The following PCNT variants were observed in gnomAD, a reference collection of about 807,000 sequenced individuals.
PCNT encodes pericentrin.
PCNT carries 319 observed loss-of-function variants against 380.4 expected under a neutral mutation model. The ratio of observed to expected loss-of-function variants is 0.84; its 90% CI spans 0.77 to 0.92. The LOEUF (loss-of-function observed/expected upper bound fraction) is 0.92. PCNT is among the 40% of genes least tolerant of loss of function. The pLI, the probability that PCNT is intolerant of heterozygous loss-of-function variation, is 0.00. For synonymous variants in PCNT, 1,845 were observed against 1,735.2 expected (o/e 1.06, Z -1.57); for missense variants, 4,400 against 4,255.3 (o/e 1.03, Z -0.95).
At chr21:46,381,490 A>G (rs1456841650) in intron 15 of PCNT, among the ~76,000 whole-genome samples, 1 of 152,118 alleles carries the variant, frequency 6.6e-6, no homozygotes, top group African/African-American at 2.4e-5. Context: ...TAAGTGTTTT[A>G]TCCCCGAAAC....
intron 3 of PCNT, among the ~76,000 whole-genome samples, chr21:46,342,005 A>G (rs2083923831): frequency 6.7e-6 from 1 of 150,258 alleles, no homozygotes; most frequent in Non-Finnish European, 1.5e-5. Flanking sequence ...GTGGTGATGC[A>G]AATTCGGCTC....
At chr21:46,326,663 G>C in intron 2 of PCNT, 74 bp downstream of exon 2, 3 of 1,456,104 alleles carry the variant, frequency 2.1e-6, no homozygotes, top group Non-Finnish European at 2.9e-6. Flanking sequence ...TACTAAAGAT[G>C]GTCTTTGGTC....
rs186412353 is a variant in PCNT at position 46,393,409 on chromosome 21, G to A, written c.4216+2033G>A. Among the ~76,000 whole-genome samples the A allele has an allele frequency of 4.9e-4, 75 of 152,192 alleles. 1 individual carries two copies. In the East Asian group the frequency reaches 0.013, roughly 27 times the overall value. ...CTGTTGCATCTGGGCGTCCGTTGTC[G>A]CTGTTTCTCCGATGCTTTCTCTGCT... On this transcript the variant is annotated intron_variant, in intron 21 of 46. Coordinates refer to ENST00000359568, the MANE Select transcript of PCNT (RefSeq NM_006031.6).
chr21:46,402,415 T>C lies in PCNT; in HGVS notation c.5047T>C (p.Leu1683=), dbSNP rs145305649. 1.4e-4 allele frequency: 229 copies of C among 1,613,856 alleles called. No homozygotes were observed. Among genetic ancestry groups the C allele is most frequent in the African/African-American group, 1.3e-3 (98 of 75,012 alleles). ...NEEILHLNLK[L]DMQNSQTAVS... ...AGAAATACTACATCTGAACTTAAAA[T>C]TGGACATGCAGAACAGCCAGACTGC... Residue 1683 remains leucine, a synonymous_variant, in exon 27 of 47, where the codon TTG becomes CTG. Coordinates refer to ENST00000359568, the MANE Select transcript of PCNT (RefSeq NM_006031.6).
In PCNT at chr21:46,355,600, T is replaced by G; in HGVS notation, c.1910T>G (p.Leu637Arg). 5 of 1,613,884 alleles carry G rather than the reference T, an allele frequency of 3.1e-6. No individual in the cohort carries two copies. Among genetic ancestry groups the G allele is most frequent in the Non-Finnish European group, 3.4e-6 (4 of 1,179,984 alleles). ...ETSALGHEWR[L>R]EPSEGHSQEL... ...TCAGCATTGGGACACGAGTGGCGTC[T>G]GGAACCCTCTGAAGGGCACAGCCAA... The change falls in exon 12 of 47, where the codon CTG becomes CGG. Residue 637 changes from leucine (L) to arginine (R), a missense_variant. By Grantham distance (102) the Leu-to-Arg change is moderately radical. Transcript: ENST00000359568.
intron 13 of PCNT, among the ~76,000 whole-genome samples, chr21:46,360,786 G>A (rs2084687918): frequency 6.6e-6 from 1 of 152,080 alleles, no homozygotes; most frequent in African/African-American, 2.4e-5. Context: ...CCAAAGTGCT[G>A]GGATTACAGG....
intron 13 of PCNT, among the ~76,000 whole-genome samples, chr21:46,359,506 T>TTTTTTTTTTTTTTTTTTTTTTTTTTTTTC (rs1384504010): frequency 7.9e-6 from 1 of 126,232 alleles, no homozygotes; most frequent in Non-Finnish European, 1.8e-5. Context: ...TTTTTTTTTT[T>TTTTTTTTTTTTTTTTTTTTTTTTTTTTTC]TGAGACAGTG....
In PCNT at chr21:46,445,691, A is replaced by G. The variant is rs1161803052; in HGVS notation, c.*364A>G. The G allele has an allele frequency of 2.2e-5, 5 of 223,916 alleles. No individual in the cohort carries two copies. Among genetic ancestry groups the G allele is most frequent in the Non-Finnish European group, 4.4e-5 (5 of 113,654 alleles). 13.9% of individuals were successfully genotyped at this position (223,916 alleles called of 1,614,324 possible). On this transcript the variant is annotated 3_prime_UTR_variant, in exon 47 of 47. Coordinates refer to ENST00000359568, the MANE Select transcript of PCNT (RefSeq NM_006031.6). ...TTTTGTTTATTTTCTTAACGTGTAC[A>G]GATGGAAACTTCATTTAAAAATAAA...
Position 46,385,419 on chromosome 21 carries a change from T to C in PCNT, c.3313-413T>C, listed in dbSNP as rs567784081. Among the ~76,000 whole-genome samples the C allele has an allele frequency of 5.3e-5, 8 of 152,356 alleles. No individual in the cohort carries two copies. The East Asian group carries it at 1.5e-3, about 29-fold the overall frequency. ...GTGAATGACCAGATACAGTGACTTA[T>C]TTCGAATTGCTGTTTGAGTGGTGGA... On this transcript the variant is annotated intron_variant, in intron 16 of 46. Coordinates refer to ENST00000359568, the MANE Select transcript of PCNT (RefSeq NM_006031.6).
intron 27 of PCNT, among the ~76,000 whole-genome samples, chr21:46,404,040 CGTG>C (rs2086545060): frequency 6.5e-5 from 9 of 138,618 alleles, no homozygotes; most frequent in African/African-American, 2.6e-4. Context: ...GTGGTGCCCA[CGTG>C]GCGCGTGCTC....
rs555769414 is a variant in PCNT at position 46,394,640 on chromosome 21, A to G, written c.4217-2625A>G. The G allele has an allele frequency of 2.4e-4, 82 of 339,534 alleles. 2 individuals are homozygous for G. In the Middle Eastern group the frequency reaches 5.6e-3, roughly 23 times the overall value. The allele number at this position is 339,534 out of a possible 1,614,324, so 21.0% of individuals were successfully genotyped here. ...AAAGTACTTCAGACCTTTTGTGGCA[A>G]ACAATAAATACAGCGATACTCTAAT... On this transcript the variant is annotated intron_variant, in intron 21 of 46. Transcript: ENST00000359568.
Position 46,411,392 on chromosome 21 carries a change from C to T in PCNT, c.5319C>T (p.Ser1773=), listed in dbSNP as rs187682060. 67 of 1,613,698 alleles carry T rather than the reference C, an allele frequency of 4.2e-5. No homozygotes were observed. The highest frequency in any genetic ancestry group is 2.2e-5 in the East Asian group (1 of 44,888). ...ACAGTCAGGCTGGCAGTCTGCAGAG[C>T]GAGCTGCTCTGCTCCCAGGCCGGGG... is the stretch of plus-strand genomic sequence containing the variant. ...VSDSQAGSLQ[S]ELLCSQAGGP... The change falls in exon 28 of 47, where the codon AGC becomes AGT. Residue 1773 remains serine (S), a synonymous_variant. Transcript: ENST00000359568.
At chr21:46,397,575 A>G (rs916499735) in intron 22 of PCNT, 81 bp downstream of exon 22, 10 of 1,185,606 alleles carry the variant, frequency 8.4e-6, no homozygotes, top group Admixed American at 1.9e-5. Flanking sequence ...ATCGTTACGT[A>G]AGCTTCTGCA....
intron 15 of PCNT, among the ~76,000 whole-genome samples, chr21:46,368,285 A>T (rs2084998330): frequency 1.3e-5 from 2 of 152,160 alleles, no homozygotes; most frequent in Admixed American, 1.3e-4. Flanking sequence ...CTCTACTAAA[A>T]ATCCAAAAAA....
At chr21:46,397,981 G>C in intron 22 of PCNT, 33 bp from the exon 23 acceptor site, 1 of 1,528,174 alleles carries the variant, frequency 6.5e-7, no homozygotes, top group Non-Finnish European at 8.9e-7. Context: ...CAGCCCCGTT[G>C]GGGTGGTCCC....
At chr21:46,367,460 A>G (rs1474012516) in intron 15 of PCNT, among the ~76,000 whole-genome samples, 2 of 152,014 alleles carry the variant, frequency 1.3e-5, no homozygotes, top group Non-Finnish European at 2.9e-5. Flanking sequence ...GGCGCCTGCC[A>G]CCATGCGCGG....
chr21:46,397,977 C>T lies in PCNT; in HGVS notation c.4447-37C>T, dbSNP rs568110618. On this transcript the variant is annotated intron_variant, in intron 22 of 46. Transcript: ENST00000359568. ...TTCGCTGCAAGGGGCACGCCAGCCC[C>T]GTTGGGGTGGTCCCAACACGCTGCC... 2.9e-5 allele frequency: 44 copies of T among 1,507,490 alleles called. 1 individual carries two copies. Among genetic ancestry groups the T allele is most frequent in the Admixed American group, 1.9e-4 (10 of 51,766 alleles). The allele number at this position is 1,507,490 out of a possible 1,614,324, so 93.4% of individuals were successfully genotyped here.
chr21:46,364,643 A>T (rs1029579434), intron 14 of PCNT, among the ~76,000 whole-genome samples: 5 of 152,124 alleles, frequency 3.3e-5, no homozygotes, highest in Non-Finnish European at 7.3e-5. Flanking sequence ...AGTTTTCAAG[A>T]GGTTTAGAAA....
intron 1 of PCNT, among the ~76,000 whole-genome samples, chr21:46,324,605 C>CG (rs1172126156): frequency 2.0e-5 from 3 of 149,456 alleles, no homozygotes; most frequent in Admixed American, 2.0e-4. Flanking sequence ...CACGCCGGGG[C>CG]GGGGTGTGGC....
Sources: allele counts gnomAD v4.1 joint callset (sites outside exome capture counted in the v4.1 genomes callset), GRCh38; gene constraint gnomAD v4.1.1; transcripts MANE v1.5; gene names NCBI Gene and HGNC (gene_info 2026-07-23, HGNC 2026-07-21).